Variants in ENPP1 observed in about 807,000 individuals in gnomAD.
ENPP1 encodes ectonucleotide pyrophosphatase/phosphodiesterase family member 1.
In ENPP1, 73 loss-of-function variants were observed where a neutral mutation model predicts 122.8. The observed-to-expected ratio is 0.59, with a 90% CI of 0.49 to 0.72. ENPP1 has a LOEUF of 0.72. ENPP1 is among the 30% of genes least tolerant of loss of function. ENPP1 has a pLI of 0.00. For synonymous variants in ENPP1, 367 were observed against 391.6 expected, an observed-to-expected ratio of 0.94 and a Z score of 0.74; for missense variants, 978 against 1,128.1, an observed-to-expected ratio of 0.87 and a Z score of 1.91.
chr6:131,856,268 T>C (rs1000420306), intron 6 of ENPP1, among the ~76,000 whole-genome samples: 1 of 152,074 alleles, frequency 6.6e-6, no homozygotes, highest in African/African-American at 2.4e-5. Context: ...CATGTGTTTT[T>C]TGGCTGCATA....
At chr6:131,852,344 C>T in intron 5 of ENPP1, 109 bp downstream of exon 5, 1 of 729,788 alleles carries the variant, frequency 1.4e-6, no homozygotes, top group Non-Finnish European at 2.4e-6. Context: ...GTTTATTAAA[C>T]ATTACAGGTT....
In ENPP1 at chr6:131,869,498, ATC is replaced by A; in HGVS notation, c.1405+13_1405+14del. 1 of 1,612,380 alleles carries A rather than the reference ATC, an allele frequency of 6.2e-7. No individual in the cohort carries two copies. The highest frequency in any genetic ancestry group is 8.5e-7 in the Non-Finnish European group (1 of 1,178,520). ...AGATAAATACTATTCATGTAAGTATATCTCTGTGATAACTTTGAATATGGTCA... is the reference window on the plus strand; with the variant it reads ...AGATAAATACTATTCATGTAAGTATATCTGTGATAACTTTGAATATGGTCA... On this transcript the variant is annotated intron_variant, in intron 13 of 24. Coordinates refer to ENST00000647893, the MANE Select transcript of ENPP1 (RefSeq NM_006208.3).
chr6:131,840,016 A>C (rs1451025556), intron 1 of ENPP1, among the ~76,000 whole-genome samples: 1 of 152,198 alleles, frequency 6.6e-6, no homozygotes, highest in Non-Finnish European at 1.5e-5. Context: ...CCTTAGTATA[A>C]ACTCCCAGAA....
chr6:131,891,834 G>C lies in ENPP1; in HGVS notation c.*1323G>C, dbSNP rs1378968340. ...TCAGCCTGCTTCTCTCTGTTGTTCA[G>C]ATTAGGTAATTTTATTCTTCTGTCT... On this transcript the variant is annotated 3_prime_UTR_variant, in exon 25 of 25. Coordinates refer to ENST00000647893, the MANE Select transcript of ENPP1 (RefSeq NM_006208.3). 6.8e-6 allele frequency: 1 copy of C among 146,550 alleles called. No homozygotes were observed. The highest frequency in any genetic ancestry group is 1.5e-5 in the Non-Finnish European group (1 of 67,142). The allele number at this position is 146,550 out of a possible 1,614,324, so 9.1% of individuals were successfully genotyped here. A position where few individuals can be genotyped will look rare whatever the true frequency, so the allele number is the denominator to read the frequency against.
At chr6:131,861,121 A>T (rs1782018106) in intron 8 of ENPP1, among the ~76,000 whole-genome samples, 1 of 152,172 alleles carries the variant, frequency 6.6e-6, no homozygotes, top group South Asian at 2.1e-4. Flanking sequence ...GTGACTTTGG[A>T]CAAATCATTC....
chr6:131,877,109 G>A lies in ENPP1; in HGVS notation c.1841G>A (p.Cys614Tyr), dbSNP rs756731039. The change falls in exon 18 of 25, where the codon TGC becomes TAC. Residue 614 changes from cysteine (C) to tyrosine (Y), a missense_variant. Around this residue, in one of 3 missense-constraint regions of ENPP1, gnomAD observed 644 missense variants for 781.5 expected, o/e 0.82. Transcript: ENST00000647893. Reference protein sequence around the residue: ...HPKEVHPLVQCPFTRNPRDNL... With the variant: ...HPKEVHPLVQYPFTRNPRDNL... ...AAAGAAGTGCACCCCCTGGTACAGT[G>A]CCCCTTCACAAGAAACCCCAGAGAT... is the stretch of plus-strand genomic sequence containing the variant. 6.2e-7 allele frequency: 1 copy of A among 1,613,962 alleles called. No homozygotes were observed. The highest frequency in any genetic ancestry group is 2.2e-5 in the East Asian group (1 of 44,866).
Position 131,864,586 on chromosome 6 carries a change from A to G in ENPP1, c.1091+15A>G. On this transcript the variant is annotated intron_variant, in intron 10 of 24. Coordinates refer to ENST00000647893, the MANE Select transcript of ENPP1 (RefSeq NM_006208.3). ...AAAGATGAAAGGTCTGTAGGCAATTAATTTCTATTGTAAATACTTCGTTTT... is the reference window on the plus strand; with the variant it reads ...AAAGATGAAAGGTCTGTAGGCAATTGATTTCTATTGTAAATACTTCGTTTT... 1.3e-6 allele frequency: 2 copies of G among 1,547,600 alleles called. No homozygotes were observed. The highest frequency in any genetic ancestry group is 1.8e-6 in the Non-Finnish European group (2 of 1,120,524).
intron 1 of ENPP1, among the ~76,000 whole-genome samples, chr6:131,825,475 G>A (rs1371705726): frequency 6.6e-6 from 1 of 152,070 alleles, no homozygotes; most frequent in African/African-American, 2.4e-5. Flanking sequence ...AATCACTCTT[G>A]CCACATCCGT....
At chr6:131,847,699 C>T (rs1781826743) in intron 1 of ENPP1, 77 bp from the exon 2 acceptor site, 5 of 1,040,692 alleles carry the variant, frequency 4.8e-6, no homozygotes, top group Non-Finnish European at 5.7e-6. Flanking sequence ...GAGTAAGACA[C>T]TATCTCTAAA....
intron 11 of ENPP1, 36 bp downstream of exon 11, chr6:131,864,974 C>T (rs908564672): frequency 7.7e-7 from 1 of 1,303,824 alleles, no homozygotes; most frequent in Non-Finnish European, 1.1e-6. Flanking sequence ...TTTCATTAAA[C>T]CCAGTCATCA....
chr6:131,874,898 C>T (rs901718498), intron 16 of ENPP1, among the ~76,000 whole-genome samples: 3 of 151,958 alleles, frequency 2.0e-5, no homozygotes, highest in African/African-American at 7.2e-5. Flanking sequence ...GGAATGAAAT[C>T]ATGTCCTTTG....
intron 1 of ENPP1, chr6:131,820,259 G>A (rs537901099): frequency 4.1e-5 from 7 of 171,596 alleles, no homozygotes; most frequent in Middle Eastern, 7.2e-4. Flanking sequence ...GAAAAATTTC[G>A]TGAATATATT....
intron 1 of ENPP1, among the ~76,000 whole-genome samples, chr6:131,829,672 A>G (rs1781586347): frequency 1.3e-5 from 2 of 152,266 alleles, no homozygotes; most frequent in Admixed American, 6.5e-5. Context: ...GCTAACGGTC[A>G]AACAGGGAAT....
intron 1 of ENPP1, chr6:131,826,140 A>G: frequency 1.2e-6 from 1 of 845,116 alleles, no homozygotes. Context: ...ACTCCAGATG[A>G]GTAAGGTTTG....
At chr6:131,853,351 T>G (rs921549526) in intron 5 of ENPP1, among the ~76,000 whole-genome samples, 3 of 152,184 alleles carry the variant, frequency 2.0e-5, no homozygotes, top group African/African-American at 7.2e-5. Flanking sequence ...TTTCAAATCT[T>G]TCTTTTTCTT....
intron 11 of ENPP1, among the ~76,000 whole-genome samples, chr6:131,867,219 G>A (rs924558972): frequency 6.6e-6 from 1 of 152,186 alleles, no homozygotes; most frequent in Non-Finnish European, 1.5e-5. Context: ...ATGTTACAGT[G>A]AAAGAGCTTA....
At chr6:131,825,328 G>C (rs538636526) in intron 1 of ENPP1, among the ~76,000 whole-genome samples, 2 of 152,092 alleles carry the variant, frequency 1.3e-5, no homozygotes, top group Admixed American at 6.5e-5. Flanking sequence ...TGACCACTTC[G>C]TAACTTTTTT....
rs984323673 is a variant in ENPP1, at chr6:131,845,044, T to C, written c.241-2732T>C. 2.0e-4 allele frequency among the ~76,000 whole-genome samples: 11 copies of C among 55,694 alleles called. No homozygotes were observed. The South Asian group carries it at 2.1e-3, about 11-fold the overall frequency. 36.5% of individuals were successfully genotyped at this position (55,694 alleles called of 152,430 possible). A position where few individuals can be genotyped will look rare whatever the true frequency, so the allele number is the denominator to read the frequency against. On this transcript the variant is annotated intron_variant, in intron 1 of 24. Coordinates refer to ENST00000647893, the MANE Select transcript of ENPP1 (RefSeq NM_006208.3). ...TAAATACAATTTCAATTCTTCATGG[T>C]TTTTTTTTTTTTTTTTTTTTTTTTT...
Position 131,880,329 on chromosome 6 carries a change from C to T in ENPP1, c.2100+295C>T, listed in dbSNP as rs1405585504. ...CTGTAATCTCAGCACTTTGGGAGGC[C>T]GAGGCGGGCAGATCACGAGGTCAGG... On this transcript the variant is annotated intron_variant, in intron 20 of 24. Coordinates refer to ENST00000647893, the MANE Select transcript of ENPP1 (RefSeq NM_006208.3). Among the ~76,000 whole-genome samples the T allele has an allele frequency of 3.3e-5, 5 of 151,926 alleles. No homozygotes were observed. The East Asian group carries it at 7.7e-4, about 23-fold the overall frequency.
Sources: gnomAD v4.1 joint callset for allele counts (sites outside exome capture counted in the v4.1 genomes callset) on GRCh38, gnomAD v4.1.1 for gene constraint, gnomAD v4.1.1 regional missense constraint, MANE v1.5 for transcripts, NCBI Gene and HGNC (gene_info 2026-07-23, HGNC 2026-07-21) for gene names.